The following FMN2 variants were observed in gnomAD, a reference collection of about 807,000 sequenced individuals.
FMN2 encodes formin-2.
FMN2 carries 51 observed loss-of-function variants against 142.3 expected under a neutral mutation model. The ratio of observed to expected loss-of-function variants is 0.36; its 90% confidence interval spans 0.29 to 0.45. FMN2 has a LOEUF of 0.45. FMN2 is among the 20% of genes least tolerant of loss of function. The probability of loss-of-function intolerance (pLI) is 1.00; values close to 1 mark genes in which losing one functional copy is unlikely to be tolerated. For synonymous variants in FMN2, 882 were observed against 869.8 expected, an observed-to-expected ratio of 1.01 and a Z score of -0.25; for missense variants, 1,936 against 2,122.8, an observed-to-expected ratio of 0.91 and a Z score of 1.73.
In FMN2 at chr1:240,123,406, A is replaced by G. The variant is rs184574716; in HGVS notation, c.1782+61A>G. On this transcript the variant is annotated intron_variant, in intron 2 of 17. Coordinates refer to ENST00000319653, the MANE Select transcript of FMN2 (RefSeq NM_020066.5). ...ATTTGCTGTGGAAATAGCAGCTACGATGTGTATCTGCCCAGTCACCCTATA... is the reference window on the plus strand; with the variant it reads ...ATTTGCTGTGGAAATAGCAGCTACGGTGTGTATCTGCCCAGTCACCCTATA... The G allele has an allele frequency of 6.0e-3, 9,170 of 1,520,246 alleles. 34 individuals are homozygous for G. Among genetic ancestry groups the G allele is most frequent in the Non-Finnish European group, 7.2e-3 (8,081 of 1,120,376 alleles). 94.2% of individuals were successfully genotyped at this position (1,520,246 alleles called of 1,614,324 possible).
At chr1:240,365,228 CAT>C (rs1259795139) in intron 14 of FMN2, among the ~76,000 whole-genome samples, 3 of 49,412 alleles carry the variant, frequency 6.1e-5, no homozygotes, top group East Asian at 5.2e-4. Context: ...CACAGACACA[CAT>C]ATATATACAC....
chr1:240,319,262 C>T (rs377284752), intron 8 of FMN2, among the ~76,000 whole-genome samples: 4 of 151,972 alleles, frequency 2.6e-5, no homozygotes, highest in Admixed American at 1.3e-4. Context: ...GGAGTGATGG[C>T]GTTTGTGGAG....
In FMN2 at chr1:240,318,582, C is replaced by A. The variant is rs188312117; in HGVS notation, c.4216-10494C>A. On this transcript the variant is annotated intron_variant, in intron 8 of 17. Transcript: ENST00000319653. Reference sequence around the variant, plus strand: ...GCCTTCTTTCCACCCTTCATTGCTTCCCTATGTTTGTTTGTACCATTATGT... The same window carrying A: ...GCCTTCTTTCCACCCTTCATTGCTTACCTATGTTTGTTTGTACCATTATGT... Among the ~76,000 whole-genome samples the A allele has an allele frequency of 1.9e-3, 288 of 152,124 alleles. 3 individuals are homozygous for A. The highest frequency in any genetic ancestry group is 6.4e-3 in the African/African-American group (267 of 41,498).
At chr1:240,111,195 G>A (rs1485017981) in intron 1 of FMN2, among the ~76,000 whole-genome samples, 2 of 152,142 alleles carry the variant, frequency 1.3e-5, no homozygotes, top group Non-Finnish European at 2.9e-5. Context: ...TGAGGAAACA[G>A]GATTACCAGG....
chr1:240,420,134 A>G (rs1301687224), intron 15 of FMN2, among the ~76,000 whole-genome samples: 1 of 152,110 alleles, frequency 6.6e-6, no homozygotes, highest in African/African-American at 2.4e-5. Context: ...TCCTACAGAG[A>G]AGAGCTCCAA....
At chr1:240,169,378 A>C (rs901692526) in intron 2 of FMN2, among the ~76,000 whole-genome samples, 1 of 152,202 alleles carries the variant, frequency 6.6e-6, no homozygotes, top group African/African-American at 2.4e-5. Flanking sequence ...TTTTGAGGTC[A>C]GTAGGACAAG....
chr1:240,195,993 ATGAGACCC>A (rs370753765), intron 4 of FMN2, among the ~76,000 whole-genome samples: 50 of 152,284 alleles, frequency 3.3e-4, no homozygotes, highest in African/African-American at 7.5e-4. Context: ...GTACAACAGA[ATGAGACCC>A]TGTCTTGAAA....
intron 13 of FMN2, among the ~76,000 whole-genome samples, chr1:240,349,452 A>G (rs138955262): frequency 3.8e-4 from 58 of 152,256 alleles, no homozygotes; most frequent in African/African-American, 1.3e-3. Context: ...ATTAACATTG[A>G]TTGAACTTGT....
chr1:240,322,698 C>T (rs1440810034), intron 8 of FMN2, among the ~76,000 whole-genome samples: 1 of 152,042 alleles, frequency 6.6e-6, no homozygotes, highest in Non-Finnish European at 1.5e-5. Context: ...CCTTTCAGAC[C>T]GAGGAATCCA....
chr1:240,193,668 G>A (rs1434078178), intron 4 of FMN2, among the ~76,000 whole-genome samples: 2 of 152,234 alleles, frequency 1.3e-5, no homozygotes, highest in Non-Finnish European at 2.9e-5. Context: ...GGAGACCCAG[G>A]TTTTGCTTTC....
At chr1:240,435,464 T>A (rs1675333584) in intron 15 of FMN2, among the ~76,000 whole-genome samples, 1 of 151,658 alleles carries the variant, frequency 6.6e-6, no homozygotes, top group Non-Finnish European at 1.5e-5. Context: ...TAGTTATAAT[T>A]TAGAGAATAC....
At chr1:240,235,663 C>T (rs999858227) in intron 6 of FMN2, 1 of 152,046 alleles carries the variant, frequency 6.6e-6, no homozygotes, top group Non-Finnish European at 1.5e-5. Flanking sequence ...TCAAGTGATC[C>T]ACCCACCTCG....
At chr1:240,121,387 T>A (rs374396964) in intron 1 of FMN2, among the ~76,000 whole-genome samples, 573 of 143,188 alleles carry the variant, frequency 4.0e-3, no homozygotes, top group African/African-American at 7.8e-3. Flanking sequence ...TTTTATTTTT[T>A]TTTTTTTGAG....
intron 7 of FMN2, among the ~76,000 whole-genome samples, chr1:240,274,014 A>C (rs1222847710): frequency 6.6e-6 from 1 of 152,108 alleles, no homozygotes; most frequent in African/African-American, 2.4e-5. Context: ...AACATCAGGG[A>C]GGCCATAATT....
At chr1:240,320,437 G>A (rs1670933595) in intron 8 of FMN2, among the ~76,000 whole-genome samples, 1 of 152,176 alleles carries the variant, frequency 6.6e-6, no homozygotes, top group Non-Finnish European at 1.5e-5. Flanking sequence ...AAAGAACCAG[G>A]TACTTAGCAC....
At chr1:240,109,127 A>G (rs980385746) in intron 1 of FMN2, among the ~76,000 whole-genome samples, 1 of 152,226 alleles carries the variant, frequency 6.6e-6, no homozygotes, top group Non-Finnish European at 1.5e-5. Context: ...TAAGTTTCAA[A>G]CAGATGATTA....
At chr1:240,442,980 C>G (rs988408457) in intron 16 of FMN2, among the ~76,000 whole-genome samples, 2 of 152,140 alleles carry the variant, frequency 1.3e-5, no homozygotes, top group Non-Finnish European at 2.9e-5. Context: ...AATGACATAA[C>G]GTATTTGAAG....
chr1:240,268,579 G>C (rs1405492848), intron 7 of FMN2, among the ~76,000 whole-genome samples: 1 of 152,060 alleles, frequency 6.6e-6, no homozygotes, highest in Admixed American at 6.6e-5. Context: ...CTTTGTTGGG[G>C]AAATGAATAT....
Position 240,144,633 on chromosome 1 carries a change from G to A in FMN2, c.1782+21288G>A, listed in dbSNP as rs183662906. 291 of 1,287,398 alleles carry A rather than the reference G, an allele frequency of 2.3e-4. No homozygotes were observed. In the African/African-American group the frequency reaches 3.9e-3, roughly 17 times the overall value. 79.7% of individuals were successfully genotyped at this position (1,287,398 alleles called of 1,614,324 possible). On this transcript the variant is annotated intron_variant, in intron 2 of 17. Transcript: ENST00000319653. ...CAGAACACACCCAGGGCACAACGCA[G>A]TAGGACTGAGTTCTCAGGCTCAGAC... is the stretch of plus-strand genomic sequence containing the variant.
Sources: gnomAD v4.1 joint callset for allele counts (sites outside exome capture counted in the v4.1 genomes callset) on GRCh38, gnomAD v4.1.1 for gene constraint, MANE v1.5 for transcripts, NCBI Gene and HGNC (gene_info 2026-07-23, HGNC 2026-07-21) for gene names.